The following ARPP21 variants were observed in gnomAD, a reference collection of about 807,000 sequenced individuals.
ARPP21 encodes the protein cAMP-regulated phosphoprotein 21.
ARPP21 carries 69 observed loss-of-function variants against 113.2 expected under a neutral mutation model. That is an observed-to-expected ratio of 0.61 (90% confidence interval 0.50 to 0.74). The LOEUF (loss-of-function observed/expected upper bound fraction) is 0.74, where lower values mean the gene tolerates loss of function less well. Among genes scored for constraint, ARPP21 ranks in the 30% least tolerant of loss-of-function variants. ARPP21 has a pLI of 0.00. For synonymous variants in ARPP21, 368 were observed against 375.5 expected (o/e 0.98, Z 0.23); for missense variants, 1,070 against 1,037.4 (o/e 1.03, Z -0.43).
chr3:35,736,588 AC>A (rs1215278063), intron 15 of ARPP21, among the ~76,000 whole-genome samples: 1 of 152,240 alleles, frequency 6.6e-6, no homozygotes, highest in Non-Finnish European at 1.5e-5. Context: ...TCTGTGATGT[AC>A]TACTTTTAAA....
chr3:35,683,433 A>G (rs1356230465), intron 4 of ARPP21, among the ~76,000 whole-genome samples: 1 of 151,762 alleles, frequency 6.6e-6, no homozygotes, highest in Non-Finnish European at 1.5e-5. Context: ...TGATATTTTC[A>G]TGAAATGACA....
At chr3:35,659,220 G>A (rs889039929) in intron 1 of ARPP21, among the ~76,000 whole-genome samples, 1 of 152,076 alleles carries the variant, frequency 6.6e-6, no homozygotes, top group African/African-American at 2.4e-5. Context: ...TTACGTCCCA[G>A]CACACATACA....
chr3:35,742,657 A>C (rs950183507), intron 18 of ARPP21, among the ~76,000 whole-genome samples: 1 of 152,214 alleles, frequency 6.6e-6, no homozygotes, highest in African/African-American at 2.4e-5. Context: ...CAGGCAGCAA[A>C]ATATGTTACA....
intron 1 of ARPP21, among the ~76,000 whole-genome samples, chr3:35,661,160 C>T (rs1333452558): frequency 6.6e-6 from 1 of 152,132 alleles, no homozygotes; most frequent in Non-Finnish European, 1.5e-5. Context: ...ACAATTGAAA[C>T]TGGACCCTCC....
In ARPP21 at chr3:35,648,541, C is replaced by G. The variant is rs534313160; in HGVS notation, c.-213+8143C>G. On this transcript the variant is annotated intron_variant, in intron 1 of 20. Transcript: ENST00000684406. ...ACAGAAGGCTTCAGCTTCCTGTCTCCAAGCACTGAGTGAGCTGTTTGGACA... is the reference window on the plus strand; with the variant it reads ...ACAGAAGGCTTCAGCTTCCTGTCTCGAAGCACTGAGTGAGCTGTTTGGACA... Among the ~76,000 whole-genome samples the G allele has an allele frequency of 1.1e-3, 168 of 152,302 alleles. 1 individual carries two copies. The highest frequency in any genetic ancestry group is 3.7e-3 in the African/African-American group (153 of 41,574).
chr3:35,781,255 T>G (rs1467950264), intron 19 of ARPP21, among the ~76,000 whole-genome samples: 5 of 152,194 alleles, frequency 3.3e-5, no homozygotes, highest in African/African-American at 1.2e-4. Context: ...CATGATGAAA[T>G]GCAAGTATTG....
At chr3:35,717,503 G>T (rs998808106) in intron 13 of ARPP21, 146 bp downstream of exon 13, 12 of 576,214 alleles carry the variant, frequency 2.1e-5, no homozygotes, top group African/African-American at 1.7e-4. Context: ...AATAGCTAGC[G>T]TGGAAGTCAT....
At chr3:35,763,333 G>T (rs2095847445) in intron 19 of ARPP21, among the ~76,000 whole-genome samples, 1 of 152,078 alleles carries the variant, frequency 6.6e-6, no homozygotes, top group Non-Finnish European at 1.5e-5. Flanking sequence ...TGGCCTTAGG[G>T]TGACACATTA....
chr3:35,750,470 GT>G (rs2095362136), intron 19 of ARPP21, among the ~76,000 whole-genome samples: 1 of 152,022 alleles, frequency 6.6e-6, no homozygotes, highest in Non-Finnish European at 1.5e-5. Context: ...TTTTGAGGTG[GT>G]TTTACGACCC....
intron 19 of ARPP21, among the ~76,000 whole-genome samples, chr3:35,746,857 C>G (rs147513275): frequency 7.2e-4 from 109 of 152,326 alleles, no homozygotes; most frequent in African/African-American, 2.5e-3. Context: ...ACTTAAAACT[C>G]TACACAGTGA....
intron 19 of ARPP21, among the ~76,000 whole-genome samples, chr3:35,785,828 C>A (rs1200402004): frequency 6.6e-6 from 1 of 152,154 alleles, no homozygotes. Context: ...TTTGGATAGA[C>A]AGGCCATTAC....
chr3:35,707,892 A>C (rs1427473118), intron 10 of ARPP21, among the ~76,000 whole-genome samples: 1 of 152,200 alleles, frequency 6.6e-6, no homozygotes, highest in African/African-American at 2.4e-5. Flanking sequence ...GATGATAACA[A>C]TAGAAAGTCA....
intron 5 of ARPP21, chr3:35,685,495 T>G (rs2080285221): frequency 1.0e-6 from 1 of 985,322 alleles, no homozygotes; most frequent in East Asian, 1.1e-4. Flanking sequence ...ATGCCTTCAT[T>G]AGGTACCACC....
chr3:35,763,581 G>A (rs1437246101), intron 19 of ARPP21, among the ~76,000 whole-genome samples: 3 of 152,066 alleles, frequency 2.0e-5, no homozygotes, highest in African/African-American at 7.2e-5. Flanking sequence ...CATGGAGCTT[G>A]GACGGTCACT....
At chr3:35,779,049 A>AT (rs1222987108) in intron 19 of ARPP21, among the ~76,000 whole-genome samples, 8 of 152,126 alleles carry the variant, frequency 5.3e-5, no homozygotes, top group Admixed American at 2.6e-4. Context: ...GTTTGATTCC[A>AT]TTTTTTACAA....
At chr3:35,775,647 A>G (rs1452931662) in intron 19 of ARPP21, among the ~76,000 whole-genome samples, 1 of 152,168 alleles carries the variant, frequency 6.6e-6, no homozygotes, top group Non-Finnish European at 1.5e-5. Flanking sequence ...GTTAGGAGTC[A>G]GAAAGTTGGA....
intron 9 of ARPP21, among the ~76,000 whole-genome samples, chr3:35,700,889 T>C (rs2086095864): frequency 6.6e-6 from 1 of 151,420 alleles, no homozygotes; most frequent in Admixed American, 6.6e-5. Flanking sequence ...AGTGGGGGGC[T>C]GGGGGAGGAA....
chr3:35,680,647 G>A (rs767866572), intron 2 of ARPP21, among the ~76,000 whole-genome samples: 15 of 151,952 alleles, frequency 9.9e-5, no homozygotes, highest in Non-Finnish European at 1.9e-4. Flanking sequence ...CTGGGAATGG[G>A]ACAGTTATTG....
At chr3:35,726,334 G>T (rs186219471) in intron 14 of ARPP21, among the ~76,000 whole-genome samples, 6 of 152,238 alleles carry the variant, frequency 3.9e-5, no homozygotes, top group Admixed American at 3.9e-4. Context: ...AGCAACACTG[G>T]CTGTGTGTGG....
Sources: gnomAD v4.1 joint callset for allele counts (sites outside exome capture counted in the v4.1 genomes callset) on GRCh38, gnomAD v4.1.1 for gene constraint, MANE v1.5 for transcripts, NCBI Gene and HGNC (gene_info 2026-07-23, HGNC 2026-07-21) for gene names.